Variants in MBTPS1 observed in about 807,000 individuals in gnomAD.
MBTPS1 encodes membrane bound transcription factor peptidase, site 1.
A neutral mutation model predicts 127.8 loss-of-function variants in MBTPS1; 94 were observed. That is an observed-to-expected ratio of 0.74 (90% confidence interval 0.62 to 0.87). MBTPS1 has a LOEUF of 0.87. Ranked by LOEUF, MBTPS1 falls within the 40% of genes least tolerant of loss-of-function variation. MBTPS1 has a pLI of 0.00. For missense variants in MBTPS1, 1,636 were observed against 1,353.2 expected (o/e 1.21, Z -3.28); for synonymous variants, 632 against 509.4 (o/e 1.24, Z -3.24).
chr16:84,097,837 C>CGTGTGTGTGTGTGTGTGTGTGTGTGTGT (rs71382894), intron 3 of MBTPS1, among the ~76,000 whole-genome samples: 1 of 143,024 alleles, frequency 7.0e-6, no homozygotes, highest in African/African-American at 2.6e-5. Flanking sequence ...AACTTCTCTT[C>CGTGTGTGTGTGTGTGTGTGTGTGTGTGT]GTGTGTGTGT....
intron 21 of MBTPS1, 85 bp downstream of exon 21, chr16:84,059,217 C>A: frequency 1.3e-6 from 2 of 1,497,288 alleles, no homozygotes; most frequent in South Asian, 1.3e-5. Flanking sequence ...ATAGTGATGT[C>A]AGTAAAATTC....
At chr16:84,095,885 C>A (rs575308442) in intron 3 of MBTPS1, 80 bp from the exon 4 acceptor site, 252 of 1,144,824 alleles carry the variant, frequency 2.2e-4, no homozygotes, top group Non-Finnish European at 3.1e-4. Context: ...CTATCCTAAA[C>A]ACAGGGAGGA....
intron 1 of MBTPS1, among the ~76,000 whole-genome samples, chr16:84,115,302 A>G (rs1278562872): frequency 6.6e-6 from 1 of 152,154 alleles, no homozygotes; most frequent in East Asian, 1.9e-4. Context: ...AGGTTCCGCA[A>G]GCTCTGCATT....
At chr16:84,099,775 C>T (rs988963037) in intron 2 of MBTPS1, among the ~76,000 whole-genome samples, 6 of 76,392 alleles carry the variant, frequency 7.9e-5, no homozygotes, top group Admixed American at 1.6e-4. Flanking sequence ...GCCTCCGTCT[C>T]AAAAAAAAAA....
chr16:84,112,387 A>C (rs990642249), intron 1 of MBTPS1, among the ~76,000 whole-genome samples: 5 of 151,950 alleles, frequency 3.3e-5, no homozygotes, highest in African/African-American at 1.2e-4. Flanking sequence ...TTTTCAAATA[A>C]ATTGGTTCAC....
rs748107698 is a variant in MBTPS1 at position 84,067,792 on chromosome 16, C to A, written c.2103G>T (p.Glu701Asp). The change falls in exon 16 of 23, where the codon GAG becomes GAT. Residue 701 changes from glutamate (E) to aspartate (D), a missense_variant. By Grantham distance (45) the Glu-to-Asp change is conservative (BLOSUM62 2). Transcript: ENST00000343411. ...GCTTGGCGATCTCTTCAGGGAAGTA[C>A]TCCTCCTCACTGTCCACCATCAGCA... ...GTLLMVDSEE[E>D]YFPEEIAKLR... is the part of the protein sequence containing the mutation. The A allele has an allele frequency of 6.2e-7, 1 of 1,613,042 alleles. No homozygotes were observed. Among genetic ancestry groups the A allele is most frequent in the Non-Finnish European group, 8.5e-7 (1 of 1,179,122 alleles).
At chr16:84,055,567 AG>A (rs1293384546) in intron 22 of MBTPS1, among the ~76,000 whole-genome samples, 18 of 152,274 alleles carry the variant, frequency 1.2e-4, no homozygotes, top group East Asian at 1.9e-4. Flanking sequence ...AGTCCCTCCC[AG>A]GGGGGCAGGG....
At chr16:84,055,140 A>G (rs1300745295) in intron 22 of MBTPS1, among the ~76,000 whole-genome samples, 1 of 152,228 alleles carries the variant, frequency 6.6e-6, no homozygotes, top group Non-Finnish European at 1.5e-5. Flanking sequence ...TGTGGCTGAA[A>G]GCCAGGAGAG....
chr16:84,070,939 A>G (rs925993649), intron 12 of MBTPS1, among the ~76,000 whole-genome samples, 163 bp from the exon 13 acceptor site: 2 of 152,350 alleles, frequency 1.3e-5, no homozygotes, highest in Middle Eastern at 3.4e-3. Flanking sequence ...CTACAACCAA[A>G]GTAGCCTATG....
chr16:84,097,320 T>G (rs541836036), intron 3 of MBTPS1, among the ~76,000 whole-genome samples: 1 of 152,234 alleles, frequency 6.6e-6, no homozygotes, highest in African/African-American at 2.4e-5. Flanking sequence ...TTTCTTCATA[T>G]GCATTATTTC....
intron 11 of MBTPS1, among the ~76,000 whole-genome samples, chr16:84,076,113 T>C (rs2151152394): frequency 6.6e-6 from 1 of 152,298 alleles, no homozygotes; most frequent in South Asian, 2.1e-4. Flanking sequence ...TATTACAGAT[T>C]GGTTCAATAT....
intron 1 of MBTPS1, among the ~76,000 whole-genome samples, chr16:84,113,509 T>C (rs2086427347): frequency 6.6e-6 from 1 of 152,234 alleles, no homozygotes; most frequent in Admixed American, 6.5e-5. Context: ...GGAGACTCAG[T>C]AGAAGAAATG....
At chr16:84,116,259 A>G (rs1408864139) in intron 1 of MBTPS1, among the ~76,000 whole-genome samples, 1 of 152,246 alleles carries the variant, frequency 6.6e-6, no homozygotes, top group East Asian at 1.9e-4. Flanking sequence ...AGGCGAGGCA[A>G]GATTTTTAAG....
chr16:84,085,017 G>C lies in MBTPS1; in HGVS notation c.1252C>G (p.Pro418Ala). ...RALSGTSVASPVVAGAVTLLV... is the reference protein window; with the variant it reads ...RALSGTSVASAVVAGAVTLLV... ...AAGGTGACAGCACCTGCAACCACTG[G>C]AGAAGCAACACTGGTCCCTGAGAGG... The change falls in exon 10 of 23, where the codon CCA becomes GCA. Residue 418 changes from proline (P) to alanine (A), a missense_variant. Transcript: ENST00000343411. The C allele has an allele frequency of 1.2e-6, 2 of 1,614,170 alleles. No individual in the cohort carries two copies. Among genetic ancestry groups the C allele is most frequent in the Non-Finnish European group, 1.7e-6 (2 of 1,180,036 alleles).
intron 14 of MBTPS1, among the ~76,000 whole-genome samples, chr16:84,068,818 G>A (rs1418907907): frequency 1.3e-5 from 2 of 152,266 alleles, no homozygotes; most frequent in Admixed American, 6.5e-5. Flanking sequence ...CCGCGGGAGT[G>A]CAGGGACGCT....
chr16:84,090,281 G>A (rs146300380), intron 8 of MBTPS1, among the ~76,000 whole-genome samples: 16 of 152,322 alleles, frequency 1.1e-4, no homozygotes, highest in African/African-American at 3.6e-4. Flanking sequence ...GGGATTCAGT[G>A]GCAAATGTTT....
In MBTPS1 at chr16:84,103,133, G is replaced by C. The variant is rs147203108; in HGVS notation, c.-324-1026C>G. 8.8e-3 allele frequency among the ~76,000 whole-genome samples: 1,345 copies of C among 152,254 alleles called. 15 individuals are homozygous for C. The highest frequency in any genetic ancestry group is 0.014 in the Non-Finnish European group (921 of 68,010). Reference sequence around the variant, plus strand: ...ATAGTAAAGAACAATGCTGGCTGTAGCATAACCAGAAAAACAGTTGCACAG... The same window carrying C: ...ATAGTAAAGAACAATGCTGGCTGTACCATAACCAGAAAAACAGTTGCACAG... On this transcript the variant is annotated intron_variant, in intron 1 of 22. Coordinates refer to ENST00000343411, the MANE Select transcript of MBTPS1 (RefSeq NM_003791.4).
Position 84,074,464 on chromosome 16 carries a change from G to C in MBTPS1, c.1593+133C>G, listed in dbSNP as rs1446220573. The C allele has an allele frequency of 2.2e-5, 18 of 802,182 alleles. No individual in the cohort carries two copies. In the South Asian group the frequency reaches 3.2e-4, roughly 14 times the overall value. 49.7% of individuals were successfully genotyped at this position (802,182 alleles called of 1,614,324 possible). A position where few individuals can be genotyped will look rare whatever the true frequency, so the allele number is the denominator to read the frequency against. On this transcript the variant is annotated intron_variant, in intron 12 of 22. Transcript: ENST00000343411. The stretch of plus-strand genomic sequence containing the variant: ...GCTCAGGCTGGTCTTAAAGTCCTGG[G>C]CTCAAGTGATCCTCTCTCCTCGGCC...
chr16:84,054,918 G>C (rs2085498570), intron 22 of MBTPS1, among the ~76,000 whole-genome samples: 1 of 152,220 alleles, frequency 6.6e-6, no homozygotes, highest in African/African-American at 2.4e-5. Context: ...CGGATGATCA[G>C]GCCCAGCTAT....
Sources: gnomAD v4.1 joint callset for allele counts (sites outside exome capture counted in the v4.1 genomes callset) on GRCh38, gnomAD v4.1.1 for gene constraint, MANE v1.5 for transcripts, NCBI Gene and HGNC (gene_info 2026-07-23, HGNC 2026-07-21) for gene names.